The following VEGFB variants were observed in gnomAD, a reference collection of about 807,000 sequenced individuals.
VEGFB encodes vascular endothelial growth factor B, also known as VEGF-related factor.
VEGFB carries 24 observed loss-of-function variants against 22.5 expected under a neutral mutation model. That is an observed-to-expected ratio of 1.07 (90% CI 0.77 to 1.50). The LOEUF (loss-of-function observed/expected upper bound fraction) is 1.50, where lower values mean the gene tolerates loss of function less well. VEGFB is among the 40% of genes most tolerant of loss of function. The pLI is 0.00. For missense variants in VEGFB, 327 were observed against 287.8 expected, an observed-to-expected ratio of 1.14 and a Z score of -0.99; for synonymous variants, 141 against 117.4, an observed-to-expected ratio of 1.20 and a Z score of -1.30.
rs2030284498 is a variant in VEGFB at position 64,239,084 on chromosome 11, G to T, written c.*751G>T. Reference sequence around the variant, plus strand: ...AGCCTTCTGTGGCCAGAGAGCTTGGGGTAGGACCCAGATCTACTGAGTGAC... The same window carrying T: ...AGCCTTCTGTGGCCAGAGAGCTTGGTGTAGGACCCAGATCTACTGAGTGAC... On this transcript the variant is annotated 3_prime_UTR_variant, in exon 7 of 7. Transcript: ENST00000309422. 6.6e-6 allele frequency among the ~76,000 whole-genome samples: 1 copy of T among 152,140 alleles called. No individual in the cohort carries two copies. The highest frequency in any genetic ancestry group is 1.5e-5 in the Non-Finnish European group (1 of 68,028).
Position 64,238,514 on chromosome 11 carries a change from C to T in VEGFB, c.*181C>T. ...GCAGAAGCTGCTCTAGGACCTGGGCCTCTCAGAGGGCTCTTCTGCCATCCC... is the reference window on the plus strand; with the variant it reads ...GCAGAAGCTGCTCTAGGACCTGGGCTTCTCAGAGGGCTCTTCTGCCATCCC... On this transcript the variant is annotated 3_prime_UTR_variant, in exon 7 of 7. Coordinates refer to ENST00000309422, the MANE Select transcript of VEGFB (RefSeq NM_003377.5). 9.6e-7 allele frequency: 1 copy of T among 1,046,464 alleles called. No individual in the cohort carries two copies. Among genetic ancestry groups the T allele is most frequent in the Non-Finnish European group, 1.4e-6 (1 of 714,446 alleles). 64.8% of individuals were successfully genotyped at this position (1,046,464 alleles called of 1,614,324 possible).
chr11:64,236,205 C>G (rs2030000381), intron 3 of VEGFB, 49 bp from the exon 4 acceptor site: 1 of 1,602,634 alleles, frequency 6.2e-7, no homozygotes, highest in Admixed American at 1.7e-5. Flanking sequence ...TAGAGCATCC[C>G]CTTTCTCTCT....
At position 64,236,437 on chromosome 11, in the gene VEGFB, C is replaced by T. The variant is rs188882413; in HGVS notation, c.374+110C>T. Reference sequence around the variant, plus strand: ...GTTCCTAAGAGTAGAACCAAGGGGCCGGGCGTGGTAGCTCACGCCTGTAAT... The same window carrying T: ...GTTCCTAAGAGTAGAACCAAGGGGCTGGGCGTGGTAGCTCACGCCTGTAAT... On this transcript the variant is annotated intron_variant, in intron 4 of 6. Transcript: ENST00000309422. 109 of 1,103,134 alleles carry T rather than the reference C, an allele frequency of 9.9e-5. 3 individuals carry two copies. In the Admixed American group the frequency reaches 1.4e-3, roughly 15 times the overall value. 68.3% of individuals were successfully genotyped at this position (1,103,134 alleles called of 1,614,324 possible).
rs752756543 is a variant in VEGFB at position 64,237,624 on chromosome 11, C to T, written c.615C>T (p.Gly205=). Residue 205 remains glycine (G), a synonymous_variant, in exon 6 of 7, where the codon GGC becomes GGT. Transcript: ENST00000309422. ...ADAAASSVAK[G]GA ...CCGCAGCTTCCTCCGTTGCCAAGGG[C>T]GGGGCTTAGAGCTCAACCCAGACAC... 66 of 1,564,440 alleles carry T rather than the reference C, an allele frequency of 4.2e-5. No individual in the cohort carries two copies. The East Asian group carries it at 8.9e-4, about 21-fold the overall frequency.
chr11:64,237,886 G>A (rs2030221312), intron 6 of VEGFB: 4 of 528,158 alleles, frequency 7.6e-6, no homozygotes, highest in Non-Finnish European at 1.3e-5. Flanking sequence ...GGATGTCAAG[G>A]GCTGTGGTGA....
intron 3 of VEGFB, 52 bp downstream of exon 3, chr11:64,236,061 G>C: frequency 6.5e-7 from 1 of 1,542,176 alleles, no homozygotes; most frequent in South Asian, 1.2e-5. Flanking sequence ...GGGCAGGTGG[G>C]GCAGCGGGCA....
rs903372079 is a variant in VEGFB, at chr11:64,237,041, C to G, written c.375-146C>G. The G allele has an allele frequency of 1.2e-4, 79 of 645,554 alleles. 4 individuals are homozygous for G. In the African/African-American group the frequency reaches 1.4e-3, roughly 12 times the overall value. The allele number at this position is 645,554 out of a possible 1,614,324, so 40.0% of individuals were successfully genotyped here. On this transcript the variant is annotated intron_variant, in intron 4 of 6. Transcript: ENST00000309422. The stretch of plus-strand genomic sequence containing the variant: ...GAGGTTGCAGTGAGCCGAGACCACG[C>G]CACTGCACTCCAGCCTGGGCAAGAA...
intron 6 of VEGFB, 157 bp downstream of exon 6, chr11:64,237,812 G>A (rs1565318945): frequency 5.8e-6 from 4 of 695,030 alleles, no homozygotes; most frequent in East Asian, 5.6e-5. Flanking sequence ...GGCACCTGGA[G>A]CTGTATAAGC....
Position 64,237,592 on chromosome 11 carries a change from G to T in VEGFB, c.583G>T (p.Ala195Ser). 6.3e-7 allele frequency: 1 copy of T among 1,592,716 alleles called. No homozygotes were observed. Residue 195 changes from alanine (A) to serine (S), a missense_variant, in exon 6 of 7, where the codon GCC (alanine) becomes TCC (serine). By Grantham distance (99) the Ala-to-Ser change is moderately conservative. Transcript: ENST00000309422. ...ALTPGPAAAA[A>S]DAAASSVAKG... is the part of the protein sequence containing the mutation. The stretch of plus-strand genomic sequence containing the variant: ...GACCCCCGGACCTGCCGCTGCCGCT[G>T]CCGACGCCGCAGCTTCCTCCGTTGC...
In VEGFB at chr11:64,234,589, CCCCGCCGCCGCTG is replaced by C. The variant is rs1368855056; in HGVS notation, c.-235_-223del. 1 of 142,532 alleles carries C rather than the reference CCCCGCCGCCGCTG, an allele frequency of 7.0e-6. No individual in the cohort carries two copies. Among genetic ancestry groups the C allele is most frequent in the Non-Finnish European group, 1.6e-5 (1 of 64,268 alleles). 8.8% of individuals were successfully genotyped at this position (142,532 alleles called of 1,614,324 possible). On this transcript the variant is annotated 5_prime_UTR_variant, in exon 1 of 7. Coordinates refer to ENST00000309422, the MANE Select transcript of VEGFB (RefSeq NM_003377.5). The surrounding 1 kb of genome is among the most constrained non-coding windows in gnomAD (Gnocchi z 5.3). ...CCCAGCCCCCCGCCGCCCCCGCCGTCCCCGCCGCCGCTGCCCGCCGCCACCGGCCGCCCGCCCG... is the reference window on the plus strand; with the variant it reads ...CCCAGCCCCCCGCCGCCCCCGCCGTCCCCGCCGCCACCGGCCGCCCGCCCG...
chr11:64,236,429 C>A, intron 4 of VEGFB, 102 bp downstream of exon 4: 4 of 1,217,130 alleles, frequency 3.3e-6, no homozygotes, highest in Non-Finnish European at 4.7e-6. Context: ...AGAGTAGAAC[C>A]AAGGGGCCGG....
Position 64,236,610 on chromosome 11 carries a change from C to T in VEGFB, c.374+283C>T, listed in dbSNP as rs573653908. On this transcript the variant is annotated intron_variant, in intron 4 of 6. Coordinates refer to ENST00000309422, the MANE Select transcript of VEGFB (RefSeq NM_003377.5). Reference sequence around the variant, plus strand: ...CGGGCACCTGTAGTCCCAGCTACTCCGGAGGCTGAGGCAGGAGAATGGCAT... The same window carrying T: ...CGGGCACCTGTAGTCCCAGCTACTCTGGAGGCTGAGGCAGGAGAATGGCAT... 2.1e-4 allele frequency among the ~76,000 whole-genome samples: 31 copies of T among 148,198 alleles called. No individual in the cohort carries two copies. The South Asian group carries it at 3.4e-3, about 16-fold the overall frequency.
rs1565319207 is a variant in VEGFB, at chr11:64,238,417, A to G, written c.*84A>G. On this transcript the variant is annotated 3_prime_UTR_variant, in exon 7 of 7. Transcript: ENST00000309422. Reference sequence around the variant, plus strand: ...GACTCAGCAGGGTGACTTGCCTCAGAGGCTATATCCCAGTGGGGGAACAAA... The same window carrying G: ...GACTCAGCAGGGTGACTTGCCTCAGGGGCTATATCCCAGTGGGGGAACAAA... The G allele has an allele frequency of 6.5e-7, 1 of 1,536,028 alleles. No homozygotes were observed. The highest frequency in any genetic ancestry group is 2.4e-5 in the East Asian group (1 of 41,032).
At chr11:64,236,950 G>T (rs896644744) in intron 4 of VEGFB, among the ~76,000 whole-genome samples, 2 of 148,576 alleles carry the variant, frequency 1.3e-5, no homozygotes, top group African/African-American at 4.9e-5. Context: ...GCGCATGGTG[G>T]CAGGTGCCTG....
rs2029969606 is a variant in VEGFB at position 64,235,892 on chromosome 11, G to A, written c.183G>A (p.Met61Ile). ...EVVVPLTVEL[M>I]GTVAKQLVPS... ...TGGTGCCCTTGACTGTGGAGCTCAT[G>A]GGCACCGTGGCCAAACAGCTGGTGC... The change falls in exon 3 of 7, where the codon ATG (methionine) becomes ATA (isoleucine). Residue 61 changes from methionine (M) to isoleucine (I), a missense_variant. Transcript: ENST00000309422. The A allele has an allele frequency of 6.2e-7, 1 of 1,613,840 alleles. No homozygotes were observed. The highest frequency in any genetic ancestry group is 1.1e-5 in the South Asian group (1 of 91,066).
Position 64,237,773 on chromosome 11 carries a change from G to A in VEGFB, c.*22+118G>A, listed in dbSNP as rs1555056407. The A allele has an allele frequency of 6.3e-6, 6 of 959,262 alleles. No homozygotes were observed. The South Asian group carries it at 1.1e-4, about 17-fold the overall frequency. The allele number at this position is 959,262 out of a possible 1,614,324, so 59.4% of individuals were successfully genotyped here. A position where few individuals can be genotyped will look rare whatever the true frequency, so the allele number is the denominator to read the frequency against. The stretch of plus-strand genomic sequence containing the variant: ...CAGGGAAGGGGAAACTGTTGAATGT[G>A]TTGAACAAATATTTACCAAACAGCT... On this transcript the variant is annotated intron_variant, in intron 6 of 6. Transcript: ENST00000309422.
rs55896476 is a variant in VEGFB at position 64,235,898 on chromosome 11, C to G, written c.189C>G (p.Thr63=). ...VVPLTVELMG[T]VAKQLVPSCV... is the part of the protein sequence containing the mutation. ...CCTTGACTGTGGAGCTCATGGGCAC[C>G]GTGGCCAAACAGCTGGTGCCCAGCT... Residue 63 remains threonine (T), a synonymous_variant, in exon 3 of 7, where the codon ACC becomes ACG. Coordinates refer to ENST00000309422, the MANE Select transcript of VEGFB (RefSeq NM_003377.5). 3 of 1,613,736 alleles carry G rather than the reference C, an allele frequency of 1.9e-6. No individual in the cohort carries two copies. The Admixed American group carries it at 5.0e-5, about 27-fold the overall frequency.
rs536860820 is a variant in VEGFB, at chr11:64,236,442, G to A, written c.374+115G>A. On this transcript the variant is annotated intron_variant, in intron 4 of 6. Coordinates refer to ENST00000309422, the MANE Select transcript of VEGFB (RefSeq NM_003377.5). Reference sequence around the variant, plus strand: ...TAAGAGTAGAACCAAGGGGCCGGGCGTGGTAGCTCACGCCTGTAATCCCAG... The same window carrying A: ...TAAGAGTAGAACCAAGGGGCCGGGCATGGTAGCTCACGCCTGTAATCCCAG... 15 of 1,040,168 alleles carry A rather than the reference G, an allele frequency of 1.4e-5. No individual in the cohort carries two copies. In the African/African-American group the frequency reaches 1.8e-4, roughly 12 times the overall value. 64.4% of individuals were successfully genotyped at this position (1,040,168 alleles called of 1,614,324 possible).
At position 64,238,469 on chromosome 11, in the gene VEGFB, C is replaced by T. The variant is rs1204917200; in HGVS notation, c.*136C>T. ...AGGAGCCTGGTAAAAAACAGCCAAG[C>T]CCCCAAGACCTCAGCCCAGGCAGAA... On this transcript the variant is annotated 3_prime_UTR_variant, in exon 7 of 7. Coordinates refer to ENST00000309422, the MANE Select transcript of VEGFB (RefSeq NM_003377.5). 1.2e-5 allele frequency: 18 copies of T among 1,486,728 alleles called. No homozygotes were observed. The East Asian group carries it at 4.4e-4, about 36-fold the overall frequency. The allele number at this position is 1,486,728 out of a possible 1,614,324, so 92.1% of individuals were successfully genotyped here. A position where few individuals can be genotyped will look rare whatever the true frequency, so the allele number is the denominator to read the frequency against.
Sources: gnomAD v4.1 joint callset for allele counts (sites outside exome capture counted in the v4.1 genomes callset) on GRCh38, gnomAD v4.1.1 for gene constraint, Gnocchi (gnomAD v3.1) non-coding constraint, MANE v1.5 for transcripts, NCBI Gene and HGNC (gene_info 2026-07-23, HGNC 2026-07-21) for gene names.